Variants in HORMAD2 observed in about 807,000 individuals in gnomAD.
HORMAD2 encodes HORMA domain containing 2.
A neutral mutation model predicts 38.8 loss-of-function variants in HORMAD2; 45 were observed. The observed-to-expected ratio is 1.16, with a 90% CI of 0.91 to 1.49. HORMAD2 has a LOEUF of 1.49. HORMAD2 is among the 40% of genes most tolerant of loss of function. The pLI is 0.00. For synonymous variants in HORMAD2, 126 were observed against 122.8 expected (o/e 1.03, Z -0.17); for missense variants, 338 against 367.0 (o/e 0.92, Z 0.65).
At chr22:30,171,942 C>G (rs1926137158) in intron 10 of HORMAD2, among the ~76,000 whole-genome samples, 1 of 152,014 alleles carries the variant, frequency 6.6e-6, no homozygotes, top group African/African-American at 2.4e-5. Context: ...GTATGAGAAG[C>G]AAGATATGAG....
intron 10 of HORMAD2, among the ~76,000 whole-genome samples, chr22:30,142,536 G>A (rs1337055331): frequency 6.6e-5 from 10 of 151,998 alleles, no homozygotes; most frequent in East Asian, 5.8e-4. Context: ...TATTTTTTGT[G>A]TTCTAACATT....
At chr22:30,105,855 C>G (rs1477219731) in intron 5 of HORMAD2, among the ~76,000 whole-genome samples, 1 of 152,206 alleles carries the variant, frequency 6.6e-6, no homozygotes, top group East Asian at 1.9e-4. Context: ...TACAGTGTCT[C>G]TTTTGGGATC....
intron 10 of HORMAD2, among the ~76,000 whole-genome samples, chr22:30,173,415 G>A (rs1396301484): frequency 1.3e-5 from 2 of 152,202 alleles, no homozygotes; most frequent in African/African-American, 4.8e-5. Flanking sequence ...GACAATGGAT[G>A]GATTTGAGAG....
At chr22:30,179,861 A>G (rs984367065), downstream of HORMAD2, among the ~76,000 whole-genome samples, 1 of 152,046 alleles carries the variant, frequency 6.6e-6, no homozygotes, top group African/African-American at 2.4e-5. Flanking sequence ...CAGATCCTTT[A>G]GTAGTAAAGT....
intron 10 of HORMAD2, among the ~76,000 whole-genome samples, chr22:30,147,861 G>T (rs1359046432): frequency 6.6e-6 from 1 of 152,128 alleles, no homozygotes; most frequent in Admixed American, 6.5e-5. Flanking sequence ...TGTAATTCCA[G>T]CACTTTGGGA....
chr22:30,108,764 G>C (rs1006276462), intron 5 of HORMAD2, among the ~76,000 whole-genome samples: 2 of 152,096 alleles, frequency 1.3e-5, no homozygotes, highest in Non-Finnish European at 2.9e-5. Flanking sequence ...GTCTATTTTT[G>C]AATGAATGCA....
chr22:30,169,913 A>G (rs139107075), intron 10 of HORMAD2, among the ~76,000 whole-genome samples: 19 of 152,344 alleles, frequency 1.2e-4, no homozygotes, highest in Non-Finnish European at 1.9e-4. Context: ...GGTGTTGGAC[A>G]TAAGTATTCT....
chr22:30,162,479 C>T (rs974655270), intron 10 of HORMAD2, among the ~76,000 whole-genome samples: 9 of 151,856 alleles, frequency 5.9e-5, no homozygotes, highest in African/African-American at 2.2e-4. Context: ...AAAAAAAGAA[C>T]GTAAAATATC....
At chr22:30,102,050 A>G (rs1393635634) in intron 3 of HORMAD2, among the ~76,000 whole-genome samples, 1 of 152,076 alleles carries the variant, frequency 6.6e-6, no homozygotes, top group Non-Finnish European at 1.5e-5. Flanking sequence ...CTTGAGTGAT[A>G]CAGTGAGACT....
the HORMAD2 span, among the ~76,000 whole-genome samples, chr22:30,182,696 C>T: frequency 1.3e-5 from 2 of 152,074 alleles, no homozygotes; most frequent in South Asian, 2.1e-4. Context: ...GAGGCTGAGG[C>T]GGGAGGATTG....
chr22:30,172,340 A>G (rs1003491947), intron 10 of HORMAD2, among the ~76,000 whole-genome samples: 3 of 152,214 alleles, frequency 2.0e-5, no homozygotes, highest in Non-Finnish European at 4.4e-5. Context: ...TAACTGCTGA[A>G]TGAATTGCCG....
chr22:30,121,503 T>C (rs1019857695), intron 8 of HORMAD2, 129 bp from the exon 9 acceptor site: 2 of 698,190 alleles, frequency 2.9e-6, no homozygotes, highest in Admixed American at 3.8e-5. Flanking sequence ...CTAATTTACA[T>C]TCTAAAAAAG....
intron 10 of HORMAD2, among the ~76,000 whole-genome samples, chr22:30,165,029 A>T (rs557502032): frequency 6.6e-6 from 1 of 152,208 alleles, no homozygotes; most frequent in Admixed American, 6.5e-5. Flanking sequence ...TTCCAATGTT[A>T]TGATGATTTT....
chr22:30,097,893 G>T (rs5763767), intron 2 of HORMAD2, among the ~76,000 whole-genome samples: 4 of 151,986 alleles, frequency 2.6e-5, no homozygotes, highest in Admixed American at 1.3e-4. Context: ...GTATGTCCTC[G>T]GTCAAGCCAG....
intron 3 of HORMAD2, 73 bp downstream of exon 3, chr22:30,099,066 G>A (rs372766311): frequency 1.7e-5 from 22 of 1,319,928 alleles, no homozygotes; most frequent in South Asian, 9.7e-5. Context: ...AACCTTTCAC[G>A]TCTCACAAAG....
chr22:30,155,998 T>C (rs1925049672), intron 10 of HORMAD2, among the ~76,000 whole-genome samples: 1 of 152,036 alleles, frequency 6.6e-6, no homozygotes, highest in Non-Finnish European at 1.5e-5. Context: ...CTTTTCCCCA[T>C]GTAGATGACC....
At chr22:30,082,913 A>T (rs1418486552) in intron 1 of HORMAD2, among the ~76,000 whole-genome samples, 1 of 152,230 alleles carries the variant, frequency 6.6e-6, no homozygotes, top group Non-Finnish European at 1.5e-5. Context: ...CAGAAAGAGC[A>T]TAGAAATATT....
chr22:30,134,404 T>C (rs1923508441), intron 10 of HORMAD2, among the ~76,000 whole-genome samples: 1 of 147,292 alleles, frequency 6.8e-6, no homozygotes, highest in East Asian at 1.9e-4. Flanking sequence ...TATATAATCA[T>C]AAATATATAT....
rs560771524 is a variant in HORMAD2, at chr22:30,168,234, A to G, written c.820-7829A>G. On this transcript the variant is annotated intron_variant, in intron 10 of 10. Transcript: ENST00000336726. Reference sequence around the variant, plus strand: ...TACTCCCTTTCTAAGCAGATGACCTAAACTCTACTTCATAGAAATAATTAA... The same window carrying G: ...TACTCCCTTTCTAAGCAGATGACCTGAACTCTACTTCATAGAAATAATTAA... 6.6e-5 allele frequency among the ~76,000 whole-genome samples: 10 copies of G among 152,316 alleles called. No individual in the cohort carries two copies. In the South Asian group the frequency reaches 2.1e-3, roughly 32 times the overall value.
Sources: gnomAD v4.1 joint callset for allele counts (sites outside exome capture counted in the v4.1 genomes callset) on GRCh38, gnomAD v4.1.1 for gene constraint, MANE v1.5 for transcripts, NCBI Gene and HGNC (gene_info 2026-07-23, HGNC 2026-07-21) for gene names.